VWC2L: variants seen among roughly 807,000 people sequenced by gnomAD.
VWC2L encodes von Willebrand factor C domain containing 2 like, also known as von Willebrand factor C domain-containing protein 2-like.
Under a neutral mutation model 21.6 loss-of-function variants are expected in VWC2L, and 10 were observed. The observed-to-expected ratio is 0.46, with a 90% CI of 0.29 to 0.78. VWC2L has a LOEUF of 0.78. Among genes scored for constraint, VWC2L ranks in the 30% least tolerant of loss-of-function variants. The pLI is 0.10. For missense variants in VWC2L, 209 were observed against 277.1 expected (o/e 0.75, Z 1.74); for synonymous variants, 96 against 94.3 (o/e 1.02, Z -0.10).
intron 3 of VWC2L, among the ~76,000 whole-genome samples, chr2:214,567,266 G>A (rs1574641139): frequency 6.6e-6 from 1 of 152,034 alleles, no homozygotes; most frequent in Non-Finnish European, 1.5e-5. Context: ...CTAGTCTCTG[G>A]GAAGTAGGAG....
chr2:214,555,659 T>G (rs1299692603), intron 3 of VWC2L, among the ~76,000 whole-genome samples: 1 of 152,210 alleles, frequency 6.6e-6, no homozygotes, highest in Non-Finnish European at 1.5e-5. Context: ...TGATCGCTGT[T>G]GTCTCTACCA....
intron 3 of VWC2L, among the ~76,000 whole-genome samples, chr2:214,553,757 C>T (rs1321407434): frequency 6.6e-6 from 1 of 152,140 alleles, no homozygotes. Flanking sequence ...CCCCACTTCC[C>T]ATCACAGCCT....
intron 3 of VWC2L, among the ~76,000 whole-genome samples, chr2:214,471,749 G>C (rs984776233): frequency 6.6e-6 from 1 of 152,146 alleles, no homozygotes; most frequent in Non-Finnish European, 1.5e-5. Flanking sequence ...TGGGGCTCTG[G>C]AACATATTCA....
At chr2:214,461,286 A>T (rs1266738016) in intron 3 of VWC2L, among the ~76,000 whole-genome samples, 1 of 152,214 alleles carries the variant, frequency 6.6e-6, no homozygotes, top group Non-Finnish European at 1.5e-5. Flanking sequence ...TGGCCTGGAC[A>T]GTTGAGTAGG....
At chr2:214,544,446 A>G (rs10932543) in intron 3 of VWC2L, among the ~76,000 whole-genome samples, 59,127 of 151,998 alleles carry the variant, frequency 0.39, 14,005 homozygotes, top group African/African-American at 0.68. Context: ...TCTATGACTT[A>G]GAAATTCCTT....
intron 3 of VWC2L, among the ~76,000 whole-genome samples, chr2:214,482,853 C>G (rs549195075): frequency 1.3e-5 from 2 of 151,994 alleles, no homozygotes; most frequent in African/African-American, 4.8e-5. Context: ...CTATTTCTCC[C>G]TAAGACCTAT....
intron 3 of VWC2L, among the ~76,000 whole-genome samples, chr2:214,458,673 T>G (rs1703091553): frequency 6.6e-6 from 1 of 152,132 alleles, no homozygotes; most frequent in Non-Finnish European, 1.5e-5. Flanking sequence ...TAATTTCTTC[T>G]TTTACCTAGT....
At chr2:214,501,459 A>T (rs184959320) in intron 3 of VWC2L, among the ~76,000 whole-genome samples, 1 of 152,254 alleles carries the variant, frequency 6.6e-6, no homozygotes, top group Non-Finnish European at 1.5e-5. Flanking sequence ...GTGGTGGCTC[A>T]TGCCTGTAAT....
intron 3 of VWC2L, among the ~76,000 whole-genome samples, chr2:214,508,744 A>T (rs1399243282): frequency 6.6e-6 from 1 of 151,912 alleles, no homozygotes. Flanking sequence ...TTTTGTTTGT[A>T]TGTAATAGCC....
At chr2:214,477,409 C>A (rs747105806) in intron 3 of VWC2L, among the ~76,000 whole-genome samples, 62 of 152,240 alleles carry the variant, frequency 4.1e-4, no homozygotes, top group South Asian at 4.1e-4. Flanking sequence ...GGACTTATAT[C>A]TCTGGTACGA....
At chr2:214,472,168 T>C (rs1489759827) in intron 3 of VWC2L, 1 of 152,200 alleles carries the variant, frequency 6.6e-6, no homozygotes, top group Non-Finnish European at 1.5e-5. Context: ...TTGGCTTGAA[T>C]TGAGAATAAA....
chr2:214,472,940 T>C (rs777608610), intron 3 of VWC2L, among the ~76,000 whole-genome samples: 2 of 152,238 alleles, frequency 1.3e-5, no homozygotes, highest in Non-Finnish European at 2.9e-5. Flanking sequence ...ATGTCTCATA[T>C]GTAATCACCA....
intron 3 of VWC2L, among the ~76,000 whole-genome samples, chr2:214,467,778 A>G (rs1703241114): frequency 6.6e-6 from 1 of 152,222 alleles, no homozygotes; most frequent in East Asian, 1.9e-4. Flanking sequence ...AATGATGGTC[A>G]TTCAATAACT....
intron 3 of VWC2L, among the ~76,000 whole-genome samples, chr2:214,561,154 C>T (rs1689963336): frequency 6.6e-6 from 1 of 152,114 alleles, no homozygotes. Context: ...GGCCCCATAC[C>T]CAGTGTTGCT....
rs1690221629 is a variant in VWC2L at position 214,575,845 on chromosome 2, T to A, written c.*25T>A. On this transcript the variant is annotated 3_prime_UTR_variant, in exon 4 of 4. Transcript: ENST00000312504. ...GGACAAACTTCCACCCAATGATGAG[T>A]TCTTAGGAAAGGATGCTATGGCTTC... 6.3e-7 allele frequency: 1 copy of A among 1,599,756 alleles called. No homozygotes were observed. Among genetic ancestry groups the A allele is most frequent in the Non-Finnish European group, 8.6e-7 (1 of 1,169,482 alleles).
chr2:214,475,486 A>C (rs1688503263), intron 3 of VWC2L, among the ~76,000 whole-genome samples: 1 of 152,164 alleles, frequency 6.6e-6, no homozygotes, highest in African/African-American at 2.4e-5. Flanking sequence ...AAACATAGGC[A>C]CTGAAAAATA....
intron 3 of VWC2L, among the ~76,000 whole-genome samples, chr2:214,489,082 G>A (rs1688712095): frequency 6.6e-6 from 1 of 152,072 alleles, no homozygotes; most frequent in East Asian, 1.9e-4. Context: ...TTGGAGTCTT[G>A]GCTACTTCAT....
chr2:214,565,239 T>G (rs1690044414), intron 3 of VWC2L, among the ~76,000 whole-genome samples: 1 of 152,174 alleles, frequency 6.6e-6, no homozygotes, highest in African/African-American at 2.4e-5. Flanking sequence ...CAAAAACCAC[T>G]CTACATAAAT....
intron 3 of VWC2L, among the ~76,000 whole-genome samples, chr2:214,456,874 A>G (rs1412566564): frequency 6.6e-6 from 1 of 152,002 alleles, no homozygotes; most frequent in African/African-American, 2.4e-5. Context: ...TCAAATATCA[A>G]TTGGCTGTAA....
Sources: gnomAD v4.1 joint callset for allele counts (sites outside exome capture counted in the v4.1 genomes callset) on GRCh38, gnomAD v4.1.1 for gene constraint, MANE v1.5 for transcripts, NCBI Gene and HGNC (gene_info 2026-07-23, HGNC 2026-07-21) for gene names.